IGDCC3: variants seen among roughly 807,000 people sequenced by gnomAD.
The protein encoded by IGDCC3 is immunoglobulin superfamily DCC subclass member 3.
Under a neutral mutation model 72.0 loss-of-function variants are expected in IGDCC3, and 47 were observed. The observed-to-expected ratio is 0.65, with a 90% CI of 0.52 to 0.83. The LOEUF (loss-of-function observed/expected upper bound fraction) is 0.83, where lower values mean the gene tolerates loss of function less well. IGDCC3 is among the 40% of genes least tolerant of loss of function. IGDCC3 has a pLI of 0.00. For synonymous variants in IGDCC3, 477 were observed against 472.8 expected, an observed-to-expected ratio of 1.01 and a Z score of -0.11; for missense variants, 1,038 against 1,091.3, an observed-to-expected ratio of 0.95 and a Z score of 0.69.
At chr15:65,373,036 G>A (rs1258767913) in intron 2 of IGDCC3, among the ~76,000 whole-genome samples, 1 of 152,110 alleles carries the variant, frequency 6.6e-6, no homozygotes, top group African/African-American at 2.4e-5. Flanking sequence ...TTAATTTCTT[G>A]TACTATATTG....
chr15:65,330,636 A>G lies in IGDCC3; in HGVS notation c.1667T>C (p.Leu556Pro). The G allele has an allele frequency of 6.2e-7, 1 of 1,613,744 alleles. No individual in the cohort carries two copies. Among genetic ancestry groups the G allele is most frequent in the Non-Finnish European group, 8.5e-7 (1 of 1,179,886 alleles). ...RLAQHEGGFK[L>P]FYRPASKTSF... ...GGTCTTGCTTGCTGGGCGGTAAAAC[A>G]GCTTGAAGCCGCCCTCGTGCTGGGC... Residue 556 changes from leucine (L) to proline (P), a missense_variant, in exon 10 of 14, where the codon CTG becomes CCG. By Grantham distance (98) the Leu-to-Pro change is moderately conservative (BLOSUM62 -3). Coordinates refer to ENST00000327987, the MANE Select transcript of IGDCC3 (RefSeq NM_004884.4).
At position 65,329,794 on chromosome 15, in the gene IGDCC3, G is replaced by C; in HGVS notation, c.1929C>G (p.Ile643Met). 6.2e-7 allele frequency: 1 copy of C among 1,614,120 alleles called. No individual in the cohort carries two copies. The change falls in exon 12 of 14, where the codon ATC becomes ATG. Residue 643 changes from isoleucine (I) to methionine (M), a missense_variant. Coordinates refer to ENST00000327987, the MANE Select transcript of IGDCC3 (RefSeq NM_004884.4). This position sits in a 1 kb window ranked among gnomAD's most constrained non-coding sequence, Gnocchi z 4.1. ...ANQTSTTGIV[I>M]GIHIGVTCII... ...TGCAAGTGACCCCGATGTGGATGCC[G>C]ATGACGATGCCTGTGGTGGACGTCT...
At chr15:65,344,727 T>C (rs967754250) in intron 2 of IGDCC3, among the ~76,000 whole-genome samples, 11 of 152,196 alleles carry the variant, frequency 7.2e-5, no homozygotes, top group Admixed American at 3.9e-4. Flanking sequence ...GCCCTGCTTT[T>C]AATTACTCAG....
intron 2 of IGDCC3, among the ~76,000 whole-genome samples, chr15:65,365,876 C>G (rs905139066): frequency 8.6e-5 from 13 of 151,908 alleles, no homozygotes; most frequent in Admixed American, 1.3e-4. Flanking sequence ...TTTGGACCAG[C>G]CTTGGCAACA....
chr15:65,363,048 T>C (rs2091271224), intron 2 of IGDCC3, among the ~76,000 whole-genome samples: 2 of 151,750 alleles, frequency 1.3e-5, no homozygotes, highest in South Asian at 4.2e-4. Flanking sequence ...TTAGTAGAGA[T>C]GGGGTTTCAC....
chr15:65,344,913 T>C (rs1203416382), intron 2 of IGDCC3, among the ~76,000 whole-genome samples: 1 of 152,072 alleles, frequency 6.6e-6, no homozygotes, highest in Non-Finnish European at 1.5e-5. Flanking sequence ...GGTAGCCTCT[T>C]ACATTCAGGG....
Position 65,329,332 on chromosome 15 carries a change from T to C in IGDCC3, c.2205+58A>G. ...TGGCCAAGGTGAAGGGGGGCAGGAT[T>C]GGAAGGTGGCAGTGTCAGAGCCTGA... On this transcript the variant is annotated intron_variant, in intron 13 of 13. Coordinates refer to ENST00000327987, the MANE Select transcript of IGDCC3 (RefSeq NM_004884.4). The surrounding 1 kb of genome is among the most constrained non-coding windows in gnomAD (Gnocchi z 4.1). 6.6e-7 allele frequency: 1 copy of C among 1,522,362 alleles called. No individual in the cohort carries two copies. Among genetic ancestry groups the C allele is most frequent in the East Asian group, 2.3e-5 (1 of 44,268 alleles). The allele number at this position is 1,522,362 out of a possible 1,614,324, so 94.3% of individuals were successfully genotyped here. A position where few individuals can be genotyped will look rare whatever the true frequency, so the allele number is the denominator to read the frequency against.
intron 2 of IGDCC3, among the ~76,000 whole-genome samples, chr15:65,365,276 G>C (rs2091283094): frequency 6.6e-6 from 1 of 152,092 alleles, no homozygotes; most frequent in Non-Finnish European, 1.5e-5. Context: ...CTCTCACGGT[G>C]GTCTGTCCCC....
Position 65,333,282 on chromosome 15 carries a change from C to T in IGDCC3, c.957G>A (p.Thr319=), listed in dbSNP as rs368320458. Residue 319 remains threonine, a synonymous_variant, in exon 6 of 14, where the codon ACG becomes ACA. Transcript: ENST00000327987. ...ANRPGTRVRR[T]AQGRLVVQAP... ...CTTGCACCACCAGCCGGCCCTGTGC[C>T]GTTCTCCTCACCCGGGTGCCAGGTC... The T allele has an allele frequency of 2.4e-5, 38 of 1,611,814 alleles. No homozygotes were observed. Among genetic ancestry groups the T allele is most frequent in the African/African-American group, 2.1e-4 (16 of 74,856 alleles).
In IGDCC3 at chr15:65,333,294, C is replaced by A; in HGVS notation, c.945G>T (p.Arg315=). The change falls in exon 6 of 14, where the codon CGG becomes CGT. Residue 315 remains arginine, a synonymous_variant. Coordinates refer to ENST00000327987, the MANE Select transcript of IGDCC3 (RefSeq NM_004884.4). ...YVCAANRPGT[R]VRRTAQGRLV... ...GCCGGCCCTGTGCCGTTCTCCTCAC[C>A]CGGGTGCCAGGTCTGTTGGCTGCAC... is the stretch of plus-strand genomic sequence containing the variant. 6.2e-7 allele frequency: 1 copy of A among 1,612,752 alleles called. No individual in the cohort carries two copies. The highest frequency in any genetic ancestry group is 8.5e-7 in the Non-Finnish European group (1 of 1,179,526).
At position 65,377,572 on chromosome 15, in the gene IGDCC3, C is replaced by A. The variant is rs1324928125; in HGVS notation, c.103+114G>T. On this transcript the variant is annotated intron_variant, in intron 1 of 13. Coordinates refer to ENST00000327987, the MANE Select transcript of IGDCC3 (RefSeq NM_004884.4). The surrounding 1 kb of genome is among the most constrained non-coding windows in gnomAD (Gnocchi z 4.9). Reference sequence around the variant, plus strand: ...CGCAGGGTCCCCCCCGCGCGGGGTCCGCCCTCAGGTCCGCGCCGCTCTCCC... The same window carrying A: ...CGCAGGGTCCCCCCCGCGCGGGGTCAGCCCTCAGGTCCGCGCCGCTCTCCC... The A allele has an allele frequency of 1.6e-5, 17 of 1,085,560 alleles. No homozygotes were observed. In the African/African-American group the frequency reaches 2.5e-4, roughly 16 times the overall value. The allele number at this position is 1,085,560 out of a possible 1,614,324, so 67.2% of individuals were successfully genotyped here.
At position 65,377,666 on chromosome 15, in the gene IGDCC3, TC is replaced by T; in HGVS notation, c.103+19del. On this transcript the variant is annotated intron_variant, in intron 1 of 13. Transcript: ENST00000327987. The surrounding 1 kb of genome is among the most constrained non-coding windows in gnomAD (Gnocchi z 4.9). The stretch of plus-strand genomic sequence containing the variant: ...CCTGGCTCCGTCCGCAACCGCCCGG[TC>T]CGGGGCGCTTTCACTCACCCTCGCT... The T allele has an allele frequency of 6.9e-7, 1 of 1,442,552 alleles. No homozygotes were observed. The highest frequency in any genetic ancestry group is 2.9e-5 in the East Asian group (1 of 34,712). 89.4% of individuals were successfully genotyped at this position (1,442,552 alleles called of 1,614,324 possible). A position where few individuals can be genotyped will look rare whatever the true frequency, so the allele number is the denominator to read the frequency against.
At chr15:65,367,878 C>T (rs1454971702) in intron 2 of IGDCC3, among the ~76,000 whole-genome samples, 1 of 152,120 alleles carries the variant, frequency 6.6e-6, no homozygotes, top group Non-Finnish European at 1.5e-5. Flanking sequence ...TTCAGGCACA[C>T]ACCTGTATGC....
intron 2 of IGDCC3, among the ~76,000 whole-genome samples, chr15:65,353,956 A>G (rs569717922): frequency 2.0e-5 from 3 of 152,058 alleles, no homozygotes; most frequent in African/African-American, 7.2e-5. Flanking sequence ...CCCAGGCTGG[A>G]GTGCAGTGGC....
In IGDCC3 at chr15:65,368,415, A is replaced by G. The variant is rs1476044432; in HGVS notation, c.409+6682T>C. Among the ~76,000 whole-genome samples the G allele has an allele frequency of 3.3e-5, 5 of 152,318 alleles. No homozygotes were observed. The East Asian group carries it at 9.7e-4, about 29-fold the overall frequency. On this transcript the variant is annotated intron_variant, in intron 2 of 13. Transcript: ENST00000327987. ...GCCGCTGACAATGCCAGGAACAGGA[A>G]CAGAGAAGATTTGCACATTGTGTTT...
At chr15:65,376,447 A>C (rs180843059) in intron 1 of IGDCC3, among the ~76,000 whole-genome samples, 169 of 152,344 alleles carry the variant, frequency 1.1e-3, no homozygotes, top group African/African-American at 3.9e-3. Context: ...CTGAAATGGC[A>C]GTCACAGACC....
Position 65,331,452 on chromosome 15 carries a change from C to T in IGDCC3, c.1356G>A (p.Lys452=). 1.9e-6 allele frequency: 3 copies of T among 1,612,814 alleles called. No homozygotes were observed. The highest frequency in any genetic ancestry group is 1.7e-6 in the Non-Finnish European group (2 of 1,179,432). The change falls in exon 8 of 14, where the codon AAG becomes AAA. Residue 452 remains lysine (K), a synonymous_variant. Coordinates refer to ENST00000327987, the MANE Select transcript of IGDCC3 (RefSeq NM_004884.4). ...TGTGCAGGACGTAGCCGATGATCTC[C>T]TTGGTGTTGGCCAGCGGCTCACTCC... is the stretch of plus-strand genomic sequence containing the variant. ...VSWSEPLANT[K]EIIGYVLHIR...
At position 65,375,245 on chromosome 15, in the gene IGDCC3, G is replaced by C; in HGVS notation, c.261C>G (p.His87Gln). The stretch of plus-strand genomic sequence containing the variant: ...AGGACCCATTGGCCAGCAAGGTGGA[G>C]TGGGTACTCTCTGGCAGCTCTACCC... ...KNGVELPESTHSTLLANGSLM... is the reference protein window; with the variant it reads ...KNGVELPESTQSTLLANGSLM... The change falls in exon 2 of 14, where the codon CAC becomes CAG. Residue 87 changes from histidine to glutamine, a missense_variant. Coordinates refer to ENST00000327987, the MANE Select transcript of IGDCC3 (RefSeq NM_004884.4). 6.2e-7 allele frequency: 1 copy of C among 1,614,242 alleles called. No individual in the cohort carries two copies. The highest frequency in any genetic ancestry group is 8.5e-7 in the Non-Finnish European group (1 of 1,180,050).
At chr15:65,332,273 T>C (rs927555354) in intron 6 of IGDCC3, among the ~76,000 whole-genome samples, 167 bp from the exon 7 acceptor site, 4 of 152,140 alleles carry the variant, frequency 2.6e-5, no homozygotes, top group Non-Finnish European at 5.9e-5. Context: ...CCTCTACTCC[T>C]GCCCAGCTCA....
Sources: allele counts gnomAD v4.1 joint callset (sites outside exome capture counted in the v4.1 genomes callset), GRCh38; gene constraint gnomAD v4.1.1; non-coding constraint Gnocchi (gnomAD v3.1); transcripts MANE v1.5; gene names NCBI Gene and HGNC (gene_info 2026-07-23, HGNC 2026-07-21).